Variants in MYRIP observed in about 807,000 individuals in gnomAD.
MYRIP encodes rab effector MyRIP.
A neutral mutation model predicts 98.0 loss-of-function variants in MYRIP; 49 were observed. The observed-to-expected ratio is 0.50, with a 90% CI of 0.40 to 0.63. The LOEUF (loss-of-function observed/expected upper bound fraction) is 0.63. MYRIP is among the 30% of genes least tolerant of loss of function. The pLI is 0.00. For synonymous variants in MYRIP, 404 were observed against 409.5 expected, an observed-to-expected ratio of 0.99 and a Z score of 0.16; for missense variants, 1,004 against 1,058.2, an observed-to-expected ratio of 0.95 and a Z score of 0.71.
intron 2 of MYRIP, among the ~76,000 whole-genome samples, chr3:39,984,369 C>G (rs1394109928): frequency 6.6e-6 from 1 of 152,044 alleles, no homozygotes; most frequent in Non-Finnish European, 1.5e-5. Context: ...AATGCTGTCC[C>G]TCCGCCCTCC....
intron 2 of MYRIP, among the ~76,000 whole-genome samples, chr3:40,019,083 A>G (rs1244896681): frequency 5.9e-5 from 9 of 152,218 alleles, no homozygotes; most frequent in Non-Finnish European, 1.0e-4. Flanking sequence ...TGATCCTGCT[A>G]GCAACCTTCT....
At chr3:39,892,594 A>AT (rs1245553452) in intron 1 of MYRIP, among the ~76,000 whole-genome samples, 2 of 152,136 alleles carry the variant, frequency 1.3e-5, no homozygotes, top group Non-Finnish European at 2.9e-5. Context: ...CAGAGTGTGA[A>AT]TTTTTTTCTA....
At chr3:40,252,130 G>C in intron 16 of MYRIP, 131 bp downstream of exon 16, 1 of 706,828 alleles carries the variant, frequency 1.4e-6, no homozygotes, top group Non-Finnish European at 2.4e-6. Flanking sequence ...CTTATGGTCT[G>C]TTGGATTTGA....
intron 2 of MYRIP, among the ~76,000 whole-genome samples, chr3:39,912,054 T>TGCG (rs1553644752): frequency 6.6e-6 from 1 of 151,774 alleles, no homozygotes; most frequent in Non-Finnish European, 1.5e-5. Flanking sequence ...GAAACCAGGT[T>TGCG]GCCTTAAATT....
chr3:39,904,241 GTTGT>G (rs913560111), intron 2 of MYRIP, among the ~76,000 whole-genome samples: 22 of 151,830 alleles, frequency 1.4e-4, no homozygotes, highest in Non-Finnish European at 2.4e-4. Context: ...TTCTTTGTTT[GTTGT>G]TTGTTTGTTT....
chr3:40,107,419 A>G (rs1198213979), intron 3 of MYRIP, among the ~76,000 whole-genome samples: 1 of 152,236 alleles, frequency 6.6e-6, no homozygotes, highest in African/African-American at 2.4e-5. Flanking sequence ...GTTGTATAAA[A>G]GACAGAAAAC....
chr3:40,256,416 A>C (rs1267465495), intron 16 of MYRIP, among the ~76,000 whole-genome samples: 1 of 152,188 alleles, frequency 6.6e-6, no homozygotes, highest in Non-Finnish European at 1.5e-5. Flanking sequence ...ATAATATTAA[A>C]TATTTTGTTC....
intron 3 of MYRIP, among the ~76,000 whole-genome samples, chr3:40,102,850 T>C (rs1948972785): frequency 6.6e-6 from 1 of 151,888 alleles, no homozygotes; most frequent in East Asian, 1.9e-4. Flanking sequence ...AAGAGACAGA[T>C]ACCTACACAC....
intron 2 of MYRIP, among the ~76,000 whole-genome samples, chr3:39,936,103 A>G (rs1168061313): frequency 6.6e-6 from 1 of 151,808 alleles, no homozygotes; most frequent in African/African-American, 2.4e-5. Context: ...TCCTGTTTGG[A>G]TATTCATTAT....
intron 1 of MYRIP, among the ~76,000 whole-genome samples, chr3:39,819,225 G>A (rs941747231): frequency 6.6e-6 from 1 of 152,218 alleles, no homozygotes; most frequent in Admixed American, 6.5e-5. Context: ...GTGCATGCCT[G>A]TAGTCCCAGC....
intron 2 of MYRIP, among the ~76,000 whole-genome samples, chr3:39,994,280 C>T (rs1473953395): frequency 6.6e-6 from 1 of 152,250 alleles, no homozygotes; most frequent in East Asian, 1.9e-4. Flanking sequence ...AGGGAATTCA[C>T]TTTCCTAGTC....
chr3:39,842,752 T>A (rs2371090), intron 1 of MYRIP, among the ~76,000 whole-genome samples: 32,352 of 133,948 alleles, frequency 0.24, 3,498 homozygotes, highest in South Asian at 0.32. Context: ...GTGAGGTGAT[T>A]ACCCCCCCTG....
At chr3:39,955,808 G>A (rs895897159) in intron 2 of MYRIP, among the ~76,000 whole-genome samples, 1 of 151,968 alleles carries the variant, frequency 6.6e-6, no homozygotes, top group African/African-American at 2.4e-5. Flanking sequence ...ACACACATAG[G>A]CTCAAAATAA....
intron 3 of MYRIP, among the ~76,000 whole-genome samples, chr3:40,129,829 T>C (rs1949602412): frequency 1.3e-5 from 2 of 152,216 alleles, no homozygotes; most frequent in Admixed American, 1.3e-4. Context: ...TGAGCCAAAA[T>C]CAACCTGGCA....
intron 1 of MYRIP, among the ~76,000 whole-genome samples, chr3:39,880,627 CT>C (rs901041014): frequency 2.6e-5 from 4 of 152,154 alleles, no homozygotes; most frequent in African/African-American, 7.2e-5. Flanking sequence ...GTTACTTGGT[CT>C]TTTTTTGCTT....
rs537781128 is a variant in MYRIP, at chr3:40,011,446, T to C, written c.111-32604T>C. Reference sequence around the variant, plus strand: ...GGGCGTTTCTTCTGGGTTCAGTATCTCATACTGCCAAGTATGAATGAAAAC... The same window carrying C: ...GGGCGTTTCTTCTGGGTTCAGTATCCCATACTGCCAAGTATGAATGAAAAC... On this transcript the variant is annotated intron_variant, in intron 2 of 16. Coordinates refer to ENST00000302541, the MANE Select transcript of MYRIP (RefSeq NM_015460.4). Among the ~76,000 whole-genome samples the C allele has an allele frequency of 3.3e-4, 50 of 152,322 alleles. 1 individual carries two copies. Among genetic ancestry groups the C allele is most frequent in the African/African-American group, 9.9e-4 (41 of 41,578 alleles).
chr3:40,130,332 A>G (rs1949610303), intron 3 of MYRIP, among the ~76,000 whole-genome samples: 1 of 152,006 alleles, frequency 6.6e-6, no homozygotes, highest in Non-Finnish European at 1.5e-5. Context: ...GCTTAATACT[A>G]CATGTGGACC....
intron 3 of MYRIP, among the ~76,000 whole-genome samples, chr3:40,087,739 C>T (rs1303547587): frequency 6.6e-6 from 1 of 152,210 alleles, no homozygotes; most frequent in East Asian, 1.9e-4. Context: ...ACACAGAGAG[C>T]TCTCTGGATC....
At chr3:39,937,388 AC>A in intron 2 of MYRIP, among the ~76,000 whole-genome samples, 1 of 152,328 alleles carries the variant, frequency 6.6e-6, no homozygotes, top group Admixed American at 6.5e-5. Flanking sequence ...GAAGGGATCA[AC>A]AAATTTTGGA....
Sources: gnomAD v4.1 joint callset for allele counts (sites outside exome capture counted in the v4.1 genomes callset) on GRCh38, gnomAD v4.1.1 for gene constraint, MANE v1.5 for transcripts, NCBI Gene and HGNC (gene_info 2026-07-23, HGNC 2026-07-21) for gene names.